Variants in WDR90 observed in about 807,000 individuals in gnomAD.
WDR90 encodes WD repeat-containing protein 90.
WDR90 carries 238 observed loss-of-function variants against 195.2 expected under a neutral mutation model. That is an observed-to-expected ratio of 1.22 (90% CI 1.10 to 1.36). The LOEUF (loss-of-function observed/expected upper bound fraction) is 1.36, where lower values mean the gene tolerates loss of function less well. Ranked by LOEUF, WDR90 falls within the 40% of genes most tolerant of loss-of-function variation. The probability of loss-of-function intolerance (pLI) is 0.00; values close to 1 mark genes in which losing one functional copy is unlikely to be tolerated. For missense variants in WDR90, 2,734 were observed against 2,439.5 expected, an observed-to-expected ratio of 1.12 and a Z score of -2.54; for synonymous variants, 1,265 against 1,052.4, an observed-to-expected ratio of 1.20 and a Z score of -3.91.
chr16:650,808 G>C (rs2037630385), intron 5 of WDR90, 99 bp downstream of exon 5: 1 of 1,520,936 alleles, frequency 6.6e-7, no homozygotes, highest in South Asian at 1.2e-5. Context: ...CAGTGCTCGA[G>C]CTGTGCTGTC....
At position 658,456 on chromosome 16, in the gene WDR90, C is replaced by T. The variant is rs374997431; in HGVS notation, c.2767-69C>T. 9.6e-5 allele frequency: 152 copies of T among 1,579,210 alleles called. No individual in the cohort carries two copies. The African/African-American group carries it at 1.2e-3, about 13-fold the overall frequency. ...TGGGGGGCCGTCGCCACACCCACAA[C>T]GAAGGGAGGCCCCAGGCTGCTGGCC... On this transcript the variant is annotated intron_variant, in intron 22 of 40. Coordinates refer to ENST00000293879, the MANE Select transcript of WDR90 (RefSeq NM_145294.5).
rs2037843674 is a variant in WDR90, at chr16:659,429, A to G, written c.3184+53A>G. On this transcript the variant is annotated intron_variant, in intron 26 of 40. Coordinates refer to ENST00000293879, the MANE Select transcript of WDR90 (RefSeq NM_145294.5). Reference sequence around the variant, plus strand: ...GGGGGATTCGGGGGTCTGAGAGGGCACAGGCCCAGTGGCAGCAGGTACTCA... The same window carrying G: ...GGGGGATTCGGGGGTCTGAGAGGGCGCAGGCCCAGTGGCAGCAGGTACTCA... 1.9e-6 allele frequency: 3 copies of G among 1,567,048 alleles called. No individual in the cohort carries two copies. In the African/African-American group the frequency reaches 4.0e-5, roughly 21 times the overall value.
Position 667,505 on chromosome 16 carries a change from C to T in WDR90, c.5163C>T (p.His1721=), listed in dbSNP as rs753164469. ...QDFAGHDNAV[H]LCRFTPSARL... is the part of the protein sequence containing the mutation. ...TTGCCGGCCACGACAACGCAGTGCA[C>T]CTGTGCAGGTTTACACCGTCCGCCA... Residue 1721 remains histidine (H), a synonymous_variant, in exon 41 of 41, where the codon CAC becomes CAT. Coordinates refer to ENST00000293879, the MANE Select transcript of WDR90 (RefSeq NM_145294.5). 1.3e-5 allele frequency: 21 copies of T among 1,612,428 alleles called. No individual in the cohort carries two copies. Among genetic ancestry groups the T allele is most frequent in the Non-Finnish European group, 1.7e-5 (20 of 1,179,918 alleles).
Position 653,593 on chromosome 16 carries a change from G to T in WDR90, c.1302G>T (p.Val434=). Residue 434 remains valine (V), a synonymous_variant, in exon 12 of 41, where the codon GTG becomes GTT. Transcript: ENST00000293879. ...CGGCCCAGGCAAGGGCCCCTAGTGTGATGCGGCTCTGGGACTTCCAGACCG... is the reference window on the plus strand; with the variant it reads ...CGGCCCAGGCAAGGGCCCCTAGTGTTATGCGGCTCTGGGACTTCCAGACCG... ...LASAQARAPS[V]MRLWDFQTGR... The T allele has an allele frequency of 5.6e-6, 9 of 1,613,560 alleles. No individual in the cohort carries two copies. Among genetic ancestry groups the T allele is most frequent in the Non-Finnish European group, 7.6e-6 (9 of 1,180,016 alleles).
intron 21 of WDR90, 94 bp downstream of exon 21, chr16:657,986 C>T: frequency 6.8e-7 from 1 of 1,465,034 alleles, no homozygotes; most frequent in Non-Finnish European, 9.1e-7. Flanking sequence ...GGGAGCAGGA[C>T]CCAGGCCCTG....
rs754378553 is a variant in WDR90 at position 656,546 on chromosome 16, T to C, written c.2202+9T>C. Reference sequence around the variant, plus strand: ...TGGCCACCCTGCAGCAGGTGGGGTTTGGCAGGGGCAGCACGGCAGGGAGGG... The same window carrying C: ...TGGCCACCCTGCAGCAGGTGGGGTTCGGCAGGGGCAGCACGGCAGGGAGGG... On this transcript the variant is annotated intron_variant, in intron 18 of 40. Coordinates refer to ENST00000293879, the MANE Select transcript of WDR90 (RefSeq NM_145294.5). The C allele has an allele frequency of 5.1e-6, 8 of 1,565,056 alleles. No individual in the cohort carries two copies. The Admixed American group carries it at 1.5e-4, about 29-fold the overall frequency.
chr16:667,771 C>T lies in WDR90; in HGVS notation c.*182C>T, dbSNP rs1364563066. On this transcript the variant is annotated 3_prime_UTR_variant, in exon 41 of 41. Coordinates refer to ENST00000293879, the MANE Select transcript of WDR90 (RefSeq NM_145294.5). ...CTGTGAATACTTTCATACCTGTTGC[C>T]CTTTTGCCTAAGAAATCTTTAATGT... 6 of 806,152 alleles carry T rather than the reference C, an allele frequency of 7.4e-6. No individual in the cohort carries two copies. The highest frequency in any genetic ancestry group is 2.7e-5 in the East Asian group (1 of 37,002). The allele number at this position is 806,152 out of a possible 1,614,324, so 49.9% of individuals were successfully genotyped here.
At chr16:656,053 C>A in intron 17 of WDR90, 164 bp downstream of exon 17, 1 of 909,192 alleles carries the variant, frequency 1.1e-6, no homozygotes, top group Non-Finnish European at 1.6e-6. Flanking sequence ...GCGGCTGATG[C>A]CAGGGCGGCC....
chr16:665,747 G>A lies in WDR90; in HGVS notation c.4380G>A (p.Arg1460=), dbSNP rs1301425829. The change falls in exon 35 of 41, where the codon CGG becomes CGA. Residue 1460 remains arginine, a synonymous_variant. Transcript: ENST00000293879. ...CATCSEDGSV[R]VWALASMELV... The stretch of plus-strand genomic sequence containing the variant: ...CATGCAGTGAGGATGGGAGTGTGCG[G>A]GTGTGGGCCTTGGCCAGCATGGAGC... 1.2e-6 allele frequency: 2 copies of A among 1,609,450 alleles called. No homozygotes were observed. Among genetic ancestry groups the A allele is most frequent in the African/African-American group, 2.7e-5 (2 of 74,888 alleles).
chr16:658,500 A>AT, intron 22 of WDR90, 25 bp from the exon 23 acceptor site: 1 of 1,595,616 alleles, frequency 6.3e-7, no homozygotes, highest in East Asian at 2.3e-5. Context: ...GAGACACGGC[A>AT]TTTCCCAAGA....
intron 25 of WDR90, 45 bp downstream of exon 25, chr16:659,171 T>G (rs897966890): frequency 6.2e-7 from 1 of 1,609,822 alleles, no homozygotes; most frequent in Non-Finnish European, 8.5e-7. Flanking sequence ...GCGCTGACTC[T>G]GGGGCCCGTC....
intron 40 of WDR90, 98 bp from the exon 41 acceptor site, chr16:667,334 C>T (rs937202529): frequency 2.0e-6 from 3 of 1,477,612 alleles, no homozygotes; most frequent in African/African-American, 2.8e-5. Context: ...CTCCCCCGAC[C>T]AGCATCATGC....
At chr16:665,581 T>G (rs761564540) in intron 34 of WDR90, 98 bp from the exon 35 acceptor site, 1 of 1,593,474 alleles carries the variant, frequency 6.3e-7, no homozygotes, top group East Asian at 2.2e-5. Context: ...ATGCTCTGGT[T>G]TGGACAGCCC....
chr16:656,701 C>A (rs1440443300), intron 18 of WDR90, 31 bp from the exon 19 acceptor site: 1 of 1,596,926 alleles, frequency 6.3e-7, no homozygotes, highest in South Asian at 1.1e-5. Flanking sequence ...GAGATCCCTG[C>A]CCTCCCCTCA....
Position 657,901 on chromosome 16 carries a change from G to C in WDR90, c.2604+9G>C, listed in dbSNP as rs754192955. 1.9e-6 allele frequency: 3 copies of C among 1,558,400 alleles called. No individual in the cohort carries two copies. Among genetic ancestry groups the C allele is most frequent in the Non-Finnish European group, 2.6e-6 (3 of 1,150,514 alleles). On this transcript the variant is annotated intron_variant, in intron 21 of 40. Coordinates refer to ENST00000293879, the MANE Select transcript of WDR90 (RefSeq NM_145294.5). ...CGGCCTCCCTTGATGAGGTGAGTCCGCAGCCCTCCTGGGTCCAGGGAGACT... is the reference window on the plus strand; with the variant it reads ...CGGCCTCCCTTGATGAGGTGAGTCCCCAGCCCTCCTGGGTCCAGGGAGACT...
intron 12 of WDR90, 31 bp downstream of exon 12, chr16:653,701 G>C (rs1233424680): frequency 9.3e-6 from 15 of 1,613,186 alleles, no homozygotes; most frequent in Non-Finnish European, 1.2e-5. Context: ...TGCAGGGGGA[G>C]GGGGTCAGCC....
At chr16:662,486 C>T in intron 33 of WDR90, 155 bp downstream of exon 33, 1 of 1,200,292 alleles carries the variant, frequency 8.3e-7, no homozygotes. Context: ...GCCTGGGCCT[C>T]ACTGGCTGCT....
At chr16:655,259 G>T in intron 14 of WDR90, 48 bp from the exon 15 acceptor site, 1 of 1,611,106 alleles carries the variant, frequency 6.2e-7, no homozygotes, top group Non-Finnish European at 8.5e-7. Context: ...CTCCCGGTGG[G>T]TCAGGGCGCT....
At position 665,865 on chromosome 16, in the gene WDR90, G is replaced by T. The variant is rs965307322; in HGVS notation, c.4434+64G>T. 2.6e-6 allele frequency: 4 copies of T among 1,552,438 alleles called. No individual in the cohort carries two copies. In the African/African-American group the frequency reaches 5.4e-5, roughly 21 times the overall value. ...CCTGCTCAGTGGGGGGCCTGGCATG[G>T]GCGGGGCCGCCTCCTCCCTCTGGCC... On this transcript the variant is annotated intron_variant, in intron 35 of 40. Coordinates refer to ENST00000293879, the MANE Select transcript of WDR90 (RefSeq NM_145294.5).
Sources: gnomAD v4.1 joint callset for allele counts on GRCh38, gnomAD v4.1.1 for gene constraint, MANE v1.5 for transcripts, NCBI Gene and HGNC (gene_info 2026-07-23, HGNC 2026-07-21) for gene names.